The following SLC8A1 variants were observed in gnomAD, a reference collection of about 807,000 sequenced individuals.
The protein encoded by SLC8A1 is sodium/calcium exchanger 1.
A neutral mutation model predicts 68.3 loss-of-function variants in SLC8A1; 18 were observed. The observed-to-expected ratio is 0.26, with a 90% CI of 0.18 to 0.39. The LOEUF (loss-of-function observed/expected upper bound fraction) is 0.39. SLC8A1 is among the 10% of genes least tolerant of loss of function. The pLI, the probability that SLC8A1 is intolerant of heterozygous loss-of-function variation, is 1.00. For synonymous variants in SLC8A1, 475 were observed against 415.5 expected, an observed-to-expected ratio of 1.14 and a Z score of -1.74; for missense variants, 985 against 1,156.7, an observed-to-expected ratio of 0.85 and a Z score of 2.15.
chr2:40,335,115 T>C (rs1030700017), intron 2 of SLC8A1, among the ~76,000 whole-genome samples: 1 of 152,210 alleles, frequency 6.6e-6, no homozygotes. Context: ...CTAAGATAAA[T>C]AGATATAGGG....
intron 6 of SLC8A1, among the ~76,000 whole-genome samples, chr2:40,142,013 T>G (rs2041660306): frequency 6.6e-6 from 1 of 152,146 alleles, no homozygotes; most frequent in Non-Finnish European, 1.5e-5. Flanking sequence ...AAAAGAAATT[T>G]CTGTTATTCA....
intron 2 of SLC8A1, among the ~76,000 whole-genome samples, chr2:40,253,041 G>GA (rs1558967108): frequency 6.8e-5 from 2 of 29,316 alleles, no homozygotes; most frequent in Admixed American, 5.3e-4. Context: ...ATATGTATCA[G>GA]TATATGTATA....
At chr2:40,365,495 C>T (rs372995092) in intron 2 of SLC8A1, among the ~76,000 whole-genome samples, 1 of 152,060 alleles carries the variant, frequency 6.6e-6, no homozygotes, top group Non-Finnish European at 1.5e-5. Context: ...TCTATACCTT[C>T]TGTACTCTTA....
At chr2:40,197,635 C>G (rs899015904) in intron 2 of SLC8A1, among the ~76,000 whole-genome samples, 2 of 151,946 alleles carry the variant, frequency 1.3e-5, no homozygotes, top group African/African-American at 4.8e-5. Flanking sequence ...ATTTTCCAAA[C>G]TCTTATAAGG....
intron 2 of SLC8A1, among the ~76,000 whole-genome samples, chr2:40,303,700 G>C (rs1015780105): frequency 2.6e-5 from 4 of 152,132 alleles, no homozygotes; most frequent in Non-Finnish European, 4.4e-5. Context: ...TATAAAAATG[G>C]ACTCGGAGGA....
intron 2 of SLC8A1, among the ~76,000 whole-genome samples, chr2:40,234,272 C>A (rs1204835782): frequency 2.0e-5 from 3 of 151,346 alleles, no homozygotes; most frequent in Non-Finnish European, 4.4e-5. Flanking sequence ...TCTTTTATTT[C>A]CTTGAGCAGT....
intron 2 of SLC8A1, among the ~76,000 whole-genome samples, chr2:40,308,751 G>A (rs1463774837): frequency 6.6e-6 from 1 of 152,094 alleles, no homozygotes; most frequent in African/African-American, 2.4e-5. Flanking sequence ...TCAGGTAGAC[G>A]CCATGGAGAT....
At chr2:40,252,352 A>C (rs529728503) in intron 2 of SLC8A1, among the ~76,000 whole-genome samples, 1 of 152,072 alleles carries the variant, frequency 6.6e-6, no homozygotes, top group South Asian at 2.1e-4. Context: ...TGATTGATTG[A>C]GATGGAGTCT....
chr2:40,241,491 A>G (rs2061217949), intron 2 of SLC8A1, among the ~76,000 whole-genome samples: 2 of 152,220 alleles, frequency 1.3e-5, no homozygotes. Context: ...TGAAATTTAA[A>G]TAATAAATTC....
chr2:40,255,059 A>ATTCCCTCTCCATC (rs2063671458), intron 2 of SLC8A1: 1 of 128,172 alleles, frequency 7.8e-6, no homozygotes, highest in African/African-American at 3.2e-5. Context: ...CTTTCTCCTT[A>ATTCCCTCTCCATC]AATGACAGAC....
chr2:40,106,463 G>C (rs1360668837), exon 8 of SLC8A1: 2 of 151,438 alleles, frequency 1.3e-5, no homozygotes, highest in Admixed American at 1.3e-4. Flanking sequence ...TGATAAGAAA[G>C]GTTCTCATAA....
chr2:40,146,117 T>C (rs2042422069), intron 6 of SLC8A1, among the ~76,000 whole-genome samples: 1 of 152,164 alleles, frequency 6.6e-6, no homozygotes, highest in Non-Finnish European at 1.5e-5. Flanking sequence ...CAACGATAGC[T>C]CAGAAAACAA....
Position 40,197,813 on chromosome 2 carries a change from G to C in SLC8A1, c.1809-19958C>G, listed in dbSNP as rs551109034. Among the ~76,000 whole-genome samples, 110 of 152,198 alleles carry C rather than the reference G, an allele frequency of 7.2e-4. 1 individual carries two copies. Among genetic ancestry groups the C allele is most frequent in the African/African-American group, 2.5e-3 (105 of 41,538 alleles). On this transcript the variant is annotated intron_variant, in intron 2 of 7. Transcript: ENST00000406785. Reference sequence around the variant, plus strand: ...GAGTGGTAGTATCTGTGAGGTTCAAGATAGGATCTATTGACAAAGCTCCAG... The same window carrying C: ...GAGTGGTAGTATCTGTGAGGTTCAACATAGGATCTATTGACAAAGCTCCAG...
intron 2 of SLC8A1, among the ~76,000 whole-genome samples, chr2:40,421,970 C>G (rs1432614404): frequency 1.1e-4 from 16 of 152,178 alleles, no homozygotes; most frequent in Non-Finnish European, 2.4e-4. Context: ...CTTTCCCTCC[C>G]AGGGCCTTCT....
intron 2 of SLC8A1, among the ~76,000 whole-genome samples, chr2:40,291,571 A>T (rs2069327424): frequency 6.6e-6 from 1 of 152,084 alleles, no homozygotes; most frequent in African/African-American, 2.4e-5. Context: ...TGGAAAGAGG[A>T]GTGGACCTCT....
At chr2:40,493,871 T>C (rs529708627) in intron 1 of SLC8A1, among the ~76,000 whole-genome samples, 3 of 152,062 alleles carry the variant, frequency 2.0e-5, no homozygotes, top group Admixed American at 2.0e-4. Context: ...GTTTTCCTCT[T>C]TCTTTTTCTC....
At chr2:40,497,523 C>T (rs1359039078) in intron 1 of SLC8A1, among the ~76,000 whole-genome samples, 4 of 151,820 alleles carry the variant, frequency 2.6e-5, no homozygotes, top group African/African-American at 7.3e-5. Context: ...GGGAGTTGAG[C>T]CTCACAGAAA....
chr2:40,259,405 AT>A (rs2149087129), intron 2 of SLC8A1, among the ~76,000 whole-genome samples: 1 of 152,332 alleles, frequency 6.6e-6, no homozygotes, highest in Admixed American at 6.5e-5. Context: ...AAAAGGTAAT[AT>A]CTTTTAATCC....
chr2:40,225,689 T>C (rs1363207014), intron 2 of SLC8A1, among the ~76,000 whole-genome samples: 7 of 152,188 alleles, frequency 4.6e-5, no homozygotes, highest in Non-Finnish European at 2.9e-5. Context: ...CCTTTATTTT[T>C]TCTTAGACAG....
Sources: allele counts gnomAD v4.1 joint callset (sites outside exome capture counted in the v4.1 genomes callset), GRCh38; gene constraint gnomAD v4.1.1; transcripts MANE v1.5; gene names NCBI Gene and HGNC (gene_info 2026-07-23, HGNC 2026-07-21).